Variants in LPP observed in about 807,000 individuals in gnomAD.
LPP encodes the protein lipoma-preferred partner.
In LPP, 38 loss-of-function variants were observed where a neutral mutation model predicts 60.4. The observed-to-expected ratio is 0.63, with a 90% CI of 0.49 to 0.83. The LOEUF (loss-of-function observed/expected upper bound fraction) is 0.83, where lower values mean the gene tolerates loss of function less well. Ranked by LOEUF, LPP falls within the 40% of genes least tolerant of loss-of-function variation. LPP has a pLI of 0.00. For missense variants in LPP, 902 were observed against 783.6 expected (o/e 1.15, Z -1.80); for synonymous variants, 328 against 290.8 (o/e 1.13, Z -1.30).
intron 9 of LPP, among the ~76,000 whole-genome samples, chr3:188,804,243 T>TTATACATATA (rs1748269193): frequency 1.1e-4 from 4 of 37,698 alleles, no homozygotes; most frequent in African/African-American, 3.4e-4. Context: ...TAGTGCATCT[T>TTATACATATA]TATATATATA....
chr3:188,878,924 G>GT lies in LPP; in HGVS notation c.*4451dup, dbSNP rs1471173509. On this transcript the variant is annotated 3_prime_UTR_variant, in exon 12 of 12. Transcript: ENST00000617246. The stretch of plus-strand genomic sequence containing the variant: ...AGAAGGTGATATAATGGATGTTAGT[G>GT]TTTTTTATTTGATTTTACAGTAGTT... 8.9e-6 allele frequency: 2 copies of GT among 225,400 alleles called. No individual in the cohort carries two copies. Among genetic ancestry groups the GT allele is most frequent in the Non-Finnish European group, 1.8e-5 (2 of 113,266 alleles). 14.0% of individuals were successfully genotyped at this position (225,400 alleles called of 1,614,324 possible). A position where few individuals can be genotyped will look rare whatever the true frequency, so the allele number is the denominator to read the frequency against.
chr3:188,534,165 G>A (rs1258235096), intron 6 of LPP, among the ~76,000 whole-genome samples: 1 of 152,222 alleles, frequency 6.6e-6, no homozygotes, highest in Non-Finnish European at 1.5e-5. Flanking sequence ...TAGCTGCTGA[G>A]TGCCATGGGG....
chr3:188,501,429 A>G (rs1288561260), intron 5 of LPP, among the ~76,000 whole-genome samples: 1 of 152,118 alleles, frequency 6.6e-6, no homozygotes, highest in Non-Finnish European at 1.5e-5. Context: ...CCTGGCCAAC[A>G]TAGTGAAACC....
chr3:188,451,970 C>T (rs938087126), intron 4 of LPP, among the ~76,000 whole-genome samples: 2 of 151,950 alleles, frequency 1.3e-5, no homozygotes, highest in African/African-American at 2.4e-5. Flanking sequence ...GAGATGAGGC[C>T]GAAAAAATAG....
chr3:188,756,467 A>G (rs940759936), intron 8 of LPP, among the ~76,000 whole-genome samples: 7 of 152,098 alleles, frequency 4.6e-5, no homozygotes, highest in East Asian at 3.9e-4. Flanking sequence ...CTCTTGTTTA[A>G]AAGTGCTGAG....
At chr3:188,355,624 T>C (rs1159130050) in intron 3 of LPP, among the ~76,000 whole-genome samples, 2 of 152,158 alleles carry the variant, frequency 1.3e-5, no homozygotes, top group Non-Finnish European at 2.9e-5. Flanking sequence ...AAGTAATATA[T>C]AGAGTGCATA....
intron 1 of LPP, among the ~76,000 whole-genome samples, chr3:188,209,944 G>A (rs1734254319): frequency 6.6e-6 from 1 of 152,134 alleles, no homozygotes; most frequent in Non-Finnish European, 1.5e-5. Context: ...GCAGTGTGAT[G>A]TGGTCAGGAG....
chr3:188,163,152 G>A (rs1179557078), intron 1 of LPP, among the ~76,000 whole-genome samples: 1 of 152,048 alleles, frequency 6.6e-6, no homozygotes, highest in East Asian at 1.9e-4. Flanking sequence ...TGTTACCCGT[G>A]GAGGGTCTGC....
At chr3:188,196,323 G>A (rs1043328688) in intron 1 of LPP, among the ~76,000 whole-genome samples, 1 of 152,162 alleles carries the variant, frequency 6.6e-6, no homozygotes, top group African/African-American at 2.4e-5. Context: ...AGTTGCATGG[G>A]GCTCACCGTG....
intron 4 of LPP, among the ~76,000 whole-genome samples, chr3:188,406,825 T>A (rs1294278661): frequency 2.6e-5 from 4 of 152,196 alleles, no homozygotes; most frequent in Admixed American, 1.3e-4. Flanking sequence ...TTCTGTGAGA[T>A]CTGCATTTGT....
At chr3:188,707,509 T>A (rs1223489401) in intron 7 of LPP, among the ~76,000 whole-genome samples, 1 of 152,232 alleles carries the variant, frequency 6.6e-6, no homozygotes, top group East Asian at 1.9e-4. Flanking sequence ...ACCAACCCAG[T>A]GTCAATGCTA....
chr3:188,853,150 C>CAA (rs149569269), intron 9 of LPP, among the ~76,000 whole-genome samples: 2 of 140,068 alleles, frequency 1.4e-5, no homozygotes, highest in Middle Eastern at 3.7e-3. Context: ...GACTCTGTCT[C>CAA]AAAAAAAAAA....
At chr3:188,673,291 C>A (rs1186356563) in intron 7 of LPP, among the ~76,000 whole-genome samples, 1 of 144,698 alleles carries the variant, frequency 6.9e-6, no homozygotes, top group Non-Finnish European at 1.5e-5. Flanking sequence ...TTTACATCAT[C>A]TCATGAATGA....
At chr3:188,546,720 G>T (rs951167466) in intron 6 of LPP, among the ~76,000 whole-genome samples, 1 of 152,122 alleles carries the variant, frequency 6.6e-6, no homozygotes, top group Non-Finnish European at 1.5e-5. Flanking sequence ...TAGCTATCTG[G>T]TATTCCATCT....
At chr3:188,179,283 C>T (rs1314207758) in intron 1 of LPP, 2 of 458,226 alleles carry the variant, frequency 4.4e-6, no homozygotes, top group Non-Finnish European at 8.8e-6. Context: ...AGCGGAGCTT[C>T]TTTATCTGAC....
At chr3:188,156,832 A>G (rs917941052) in intron 1 of LPP, among the ~76,000 whole-genome samples, 15 of 148,364 alleles carry the variant, frequency 1.0e-4, no homozygotes, top group Non-Finnish European at 2.1e-4. Context: ...GTGAGACTCC[A>G]TTTCCTCTGC....
intron 9 of LPP, among the ~76,000 whole-genome samples, chr3:188,822,873 G>T (rs1754375270): frequency 6.6e-6 from 1 of 152,124 alleles, no homozygotes; most frequent in African/African-American, 2.4e-5. Flanking sequence ...ATGTCAGTGT[G>T]AAATCCCTCC....
intron 2 of LPP, among the ~76,000 whole-genome samples, chr3:188,336,977 T>C (rs1042911427): frequency 6.6e-6 from 1 of 152,082 alleles, no homozygotes; most frequent in African/African-American, 2.4e-5. Context: ...CTACTTCAGA[T>C]TAAGTACTGG....
chr3:188,297,785 A>T (rs144238337), intron 2 of LPP, among the ~76,000 whole-genome samples: 1 of 152,240 alleles, frequency 6.6e-6, no homozygotes, highest in Non-Finnish European at 1.5e-5. Flanking sequence ...ATATGTTTCT[A>T]GAGACTGATG....
Sources: gnomAD v4.1 joint callset for allele counts (sites outside exome capture counted in the v4.1 genomes callset) on GRCh38, gnomAD v4.1.1 for gene constraint, MANE v1.5 for transcripts, NCBI Gene and HGNC (gene_info 2026-07-23, HGNC 2026-07-21) for gene names.